KLHL15: variants seen among roughly 807,000 people sequenced by gnomAD.
KLHL15 encodes kelch like family member 15.
In KLHL15, 1 loss-of-function variant was observed where a neutral mutation model predicts 29.3. The ratio of observed to expected loss-of-function variants is 0.03; its 90% CI spans 0.01 to 0.16. The LOEUF (loss-of-function observed/expected upper bound fraction) is 0.16, where lower values mean the gene tolerates loss of function less well. Ranked by LOEUF, KLHL15 falls within the 10% of genes least tolerant of loss-of-function variation. The pLI is 1.00. For synonymous variants in KLHL15, 212 were observed against 184.5 expected (o/e 1.15, Z -1.21); for missense variants, 215 against 478.5 (o/e 0.45, Z 5.14).
chrX:24,010,445 G>T (rs1929551065), intron 2 of KLHL15, among the ~76,000 whole-genome samples: 1 of 111,945 alleles, frequency 8.9e-6, no homozygotes, highest in African/African-American at 3.2e-5. Flanking sequence ...TTCGTCCACC[G>T]AACAGTTGTG....
intron 2 of KLHL15, among the ~76,000 whole-genome samples, chrX:24,013,411 C>CA (rs1370439121): frequency 3.6e-5 from 4 of 110,559 alleles, no homozygotes; most frequent in African/African-American, 1.3e-4. Context: ...TAGAGATACA[C>CA]GCCACCAGAC....
rs1928977992 is a variant in KLHL15 at position 23,985,974 on chromosome X, C to T, written c.*1947G>A. On this transcript the variant is annotated 3_prime_UTR_variant, in exon 4 of 4. Transcript: ENST00000328046. ...AGAAAAAGACTTTTACCCATATTAC[C>T]ATGGGAAACAAGATACCAAATTTCA... The T allele has an allele frequency of 9.0e-6, 1 of 110,852 alleles. No homozygotes were observed. The highest frequency in any genetic ancestry group is 9.7e-5 in the Admixed American group (1 of 10,359). The allele number at this position is 110,852 out of a possible 1,213,427, so 9.1% of individuals were successfully genotyped here. A position where few individuals can be genotyped will look rare whatever the true frequency, so the allele number is the denominator to read the frequency against.
chrX:24,011,368 CGCCGTGGCTCACGCCTGTGA>C (rs1198334924), intron 2 of KLHL15, among the ~76,000 whole-genome samples: 29 of 106,912 alleles, frequency 2.7e-4, no homozygotes, highest in African/African-American at 9.2e-4. Context: ...AAGGGCCAGG[CGCCGTGGCTCACGCCTGTGA>C]GCCTCCCAGC....
intron 3 of KLHL15, among the ~76,000 whole-genome samples, chrX:23,999,771 T>A (rs762365160): frequency 8.1e-5 from 9 of 111,205 alleles, no homozygotes; most frequent in Non-Finnish European, 1.5e-4. Context: ...GAACCTGGAG[T>A]GAATGCGAGT....
At position 23,985,976 on chromosome X, in the gene KLHL15, T is replaced by TG. The variant is rs1177763969; in HGVS notation, c.*1944dup. ...AAAAAGACTTTTACCCATATTACCA[T>TG]GGGAAACAAGATACCAAATTTCATG... On this transcript the variant is annotated 3_prime_UTR_variant, in exon 4 of 4. Coordinates refer to ENST00000328046, the MANE Select transcript of KLHL15 (RefSeq NM_030624.3). 1 of 111,526 alleles carries TG rather than the reference T, an allele frequency of 9.0e-6. No individual in the cohort carries two copies. Among genetic ancestry groups the TG allele is most frequent in the Non-Finnish European group, 1.9e-5 (1 of 53,018 alleles). The allele number at this position is 111,526 out of a possible 1,213,427, so 9.2% of individuals were successfully genotyped here.
At chrX:23,999,658 T>C (rs963006557) in intron 3 of KLHL15, among the ~76,000 whole-genome samples, 2 of 104,952 alleles carry the variant, frequency 1.9e-5, no homozygotes, top group East Asian at 3.3e-4. Flanking sequence ...CAATTTTCAA[T>C]AGGTTCCTGT....
chrX:24,024,647 T>A (rs1199427395), intron 2 of KLHL15, among the ~76,000 whole-genome samples: 1 of 113,198 alleles, frequency 8.8e-6, no homozygotes, highest in Non-Finnish European at 1.9e-5. Context: ...AATGGCTGAA[T>A]TATGCTTCTT....
rs1928941310 is a variant in KLHL15 at position 23,983,881 on chromosome X, G to A, written c.*4040C>T. On this transcript the variant is annotated 3_prime_UTR_variant, in exon 4 of 4. Coordinates refer to ENST00000328046, the MANE Select transcript of KLHL15 (RefSeq NM_030624.3). ...AAAAATGTAAAGGCTTTCAAAACAG[G>A]TATAAAAGGCAAACCTTAAATTATT... 9.0e-6 allele frequency: 1 copy of A among 111,501 alleles called. No homozygotes were observed. The highest frequency in any genetic ancestry group is 3.3e-5 in the African/African-American group (1 of 30,719). The allele number at this position is 111,501 out of a possible 1,213,427, so 9.2% of individuals were successfully genotyped here.
At chrX:23,993,289 A>G (rs1489714145) in intron 3 of KLHL15, among the ~76,000 whole-genome samples, 3 of 111,595 alleles carry the variant, frequency 2.7e-5, no homozygotes, top group Non-Finnish European at 3.8e-5. Context: ...TAGAAGCCAG[A>G]CAGATTCCTG....
In KLHL15 at chrX:24,006,701, C is replaced by T; in HGVS notation, c.-7-1G>A. 8.6e-7 allele frequency: 1 copy of T among 1,156,341 alleles called. No individual in the cohort carries two copies. On this transcript the variant is annotated splice_acceptor_variant, in intron 2 of 3. Transcript: ENST00000328046. LOFTEE classifies it low-confidence loss of function (5UTR_SPLICE). ...TTCCACGTCCCCTGCCATGAATCAC[C>T]TGGAAAAAAATCAAAGACAACAATG... is the stretch of plus-strand genomic sequence containing the variant.
chrX:24,019,095 G>A (rs1775643990), intron 2 of KLHL15, among the ~76,000 whole-genome samples: 1 of 112,074 alleles, frequency 8.9e-6, no homozygotes, highest in Non-Finnish European at 1.9e-5. Flanking sequence ...GCAACAGACT[G>A]AATGCAGAAG....
intron 2 of KLHL15, among the ~76,000 whole-genome samples, chrX:24,015,732 C>T (rs1266789351): frequency 1.8e-4 from 20 of 112,726 alleles, no homozygotes; most frequent in Non-Finnish European, 3.7e-5. Flanking sequence ...GACACGGTGG[C>T]TCACGCCCAT....
chrX:24,013,922 A>G (rs1302874333), intron 2 of KLHL15, among the ~76,000 whole-genome samples: 1 of 110,779 alleles, frequency 9.0e-6, no homozygotes, highest in Non-Finnish European at 1.9e-5. Context: ...TTGATACTAT[A>G]TATTTTTTTT....
chrX:24,021,152 T>A (rs1190685632), intron 2 of KLHL15, among the ~76,000 whole-genome samples: 1 of 111,831 alleles, frequency 8.9e-6, no homozygotes, highest in Admixed American at 9.6e-5. Context: ...CAATACAACA[T>A]ATACCCTTGG....
chrX:24,003,952 T>A (rs1297793568), intron 3 of KLHL15, among the ~76,000 whole-genome samples: 1 of 88,829 alleles, frequency 1.1e-5, no homozygotes. Context: ...AAGAAAAAAG[T>A]ATACTAAAAA....
At chrX:24,020,265 C>T (rs1385897037) in intron 2 of KLHL15, among the ~76,000 whole-genome samples, 1 of 112,298 alleles carries the variant, frequency 8.9e-6, no homozygotes, top group Non-Finnish European at 1.9e-5. Context: ...CAGCCAACTT[C>T]TCAACATACC....
Position 23,987,917 on chromosome X carries a change from G to A in KLHL15, c.*4C>T, listed in dbSNP as rs1478228760. On this transcript the variant is annotated 3_prime_UTR_variant, in exon 4 of 4. Coordinates refer to ENST00000328046, the MANE Select transcript of KLHL15 (RefSeq NM_030624.3). ...TGCCTCTTTTTTTAGGGAGGAGGAT[G>A]TCATTAGTTGCAACGCCTGACCTCA... The A allele has an allele frequency of 2.5e-6, 3 of 1,183,812 alleles. No homozygotes were observed. Among genetic ancestry groups the A allele is most frequent in the African/African-American group, 1.8e-5 (1 of 56,779 alleles).
intron 1 of KLHL15, among the ~76,000 whole-genome samples, 182 bp from the exon 2 acceptor site, chrX:24,025,240 G>A (rs1191437645): frequency 1.8e-5 from 2 of 111,420 alleles, no homozygotes; most frequent in African/African-American, 6.5e-5. Context: ...AGCAGGCAGA[G>A]ACAGAAGCAC....
chrX:24,021,883 T>C (rs1268864958), intron 2 of KLHL15, among the ~76,000 whole-genome samples: 1 of 110,517 alleles, frequency 9.0e-6, no homozygotes, highest in Non-Finnish European at 1.9e-5. Flanking sequence ...AAATAGATGC[T>C]AATAAAGTAA....
Sources: allele counts gnomAD v4.1 joint callset (sites outside exome capture counted in the v4.1 genomes callset), GRCh38; gene constraint gnomAD v4.1.1; transcripts MANE v1.5; gene names NCBI Gene and HGNC (gene_info 2026-07-23, HGNC 2026-07-21).